NRXN1: variants seen among roughly 807,000 people sequenced by gnomAD.
NRXN1 encodes neurexin-1.
A neutral mutation model predicts 150.9 loss-of-function variants in NRXN1; 39 were observed. That is an observed-to-expected ratio of 0.26 (90% CI 0.20 to 0.34). NRXN1 has a LOEUF of 0.34. Ranked by LOEUF, NRXN1 falls within the 10% of genes least tolerant of loss-of-function variation. The probability of loss-of-function intolerance (pLI) is 1.00; values close to 1 mark genes in which losing one functional copy is unlikely to be tolerated. For synonymous variants in NRXN1, 924 were observed against 757.0 expected (o/e 1.22, Z -3.62); for missense variants, 1,815 against 1,949.9 (o/e 0.93, Z 1.30).
At chr2:50,373,758 G>A (rs901735849) in intron 17 of NRXN1, among the ~76,000 whole-genome samples, 1 of 151,776 alleles carries the variant, frequency 6.6e-6, no homozygotes, top group Non-Finnish European at 1.5e-5. Flanking sequence ...ATTGTTTTCT[G>A]AGAATCCTGG....
chr2:50,785,208 G>A (rs188693423), intron 5 of NRXN1, among the ~76,000 whole-genome samples: 50 of 150,968 alleles, frequency 3.3e-4, no homozygotes, highest in Middle Eastern at 6.8e-3. Flanking sequence ...TACCTCGATC[G>A]TGGATTCCAC....
intron 21 of NRXN1, among the ~76,000 whole-genome samples, chr2:49,967,570 A>C (rs1171008681): frequency 1.3e-5 from 2 of 152,076 alleles, no homozygotes; most frequent in African/African-American, 2.4e-5. Flanking sequence ...TAGAGTTTCA[A>C]ATAAAACAAG....
intron 5 of NRXN1, among the ~76,000 whole-genome samples, chr2:50,711,216 T>C (rs576645332): frequency 1.3e-5 from 2 of 152,192 alleles, no homozygotes; most frequent in South Asian, 4.1e-4. Flanking sequence ...GGATGGAATG[T>C]TTATTGAAAA....
chr2:50,606,630 T>TAATAATAATAAA (rs1309661805), intron 8 of NRXN1, among the ~76,000 whole-genome samples: 1 of 150,384 alleles, frequency 6.6e-6, no homozygotes. Flanking sequence ...ATAATAATAA[T>TAATAATAATAAA]AAAATAAAAC....
intron 5 of NRXN1, among the ~76,000 whole-genome samples, chr2:50,815,981 C>T (rs1001951510): frequency 7.9e-5 from 12 of 152,262 alleles, no homozygotes; most frequent in African/African-American, 2.4e-4. Flanking sequence ...GTGTGTTCTC[C>T]TTCACCACAC....
At chr2:50,626,304 A>G (rs75701271) in intron 5 of NRXN1, among the ~76,000 whole-genome samples, 3,719 of 151,912 alleles carry the variant, frequency 0.024, 94 homozygotes, top group East Asian at 0.076. Context: ...TTCACAATCT[A>G]TGAGAAAAAA....
At chr2:50,357,179 G>A (rs991201754) in intron 17 of NRXN1, among the ~76,000 whole-genome samples, 1 of 151,988 alleles carries the variant, frequency 6.6e-6, no homozygotes. Flanking sequence ...TAACATAGGA[G>A]GATCACTTTA....
At chr2:50,171,844 G>C (rs1159835424) in intron 18 of NRXN1, among the ~76,000 whole-genome samples, 2 of 152,138 alleles carry the variant, frequency 1.3e-5, no homozygotes, top group Non-Finnish European at 2.9e-5. Flanking sequence ...GTGCCCTCCA[G>C]CTCTAGATTT....
intron 17 of NRXN1, among the ~76,000 whole-genome samples, chr2:50,433,373 CTT>C (rs1446017562): frequency 1.2e-4 from 19 of 152,254 alleles, no homozygotes; most frequent in Admixed American, 8.5e-4. Context: ...AATACACAAA[CTT>C]ATATTGCATG....
chr2:50,313,439 A>C (rs2075340222), intron 17 of NRXN1, among the ~76,000 whole-genome samples: 2 of 152,132 alleles, frequency 1.3e-5, no homozygotes, highest in African/African-American at 4.8e-5. Flanking sequence ...GAGGAAAGCC[A>C]AGCCAAATGC....
intron 8 of NRXN1, among the ~76,000 whole-genome samples, chr2:50,559,252 G>A (rs934877792): frequency 1.1e-4 from 16 of 152,152 alleles, no homozygotes; most frequent in African/African-American, 3.9e-4. Flanking sequence ...AAGTACAAGC[G>A]TCATCCAGTA....
intron 21 of NRXN1, among the ~76,000 whole-genome samples, chr2:50,043,933 T>A (rs2152597966): frequency 6.6e-6 from 1 of 151,872 alleles, no homozygotes; most frequent in South Asian, 2.1e-4. Context: ...GAATCTGTAG[T>A]GTCTAGAATA....
At chr2:50,164,952 C>T (rs1382998053) in intron 18 of NRXN1, among the ~76,000 whole-genome samples, 1 of 152,066 alleles carries the variant, frequency 6.6e-6, no homozygotes, top group African/African-American at 2.4e-5. Flanking sequence ...ATACATGATC[C>T]CTGTGGCTTG....
chr2:50,252,767 C>T (rs1394316866), intron 17 of NRXN1, among the ~76,000 whole-genome samples: 3 of 152,038 alleles, frequency 2.0e-5, no homozygotes, highest in African/African-American at 4.8e-5. Context: ...CTAAACTGTT[C>T]CATTAGTCTA....
intron 5 of NRXN1, among the ~76,000 whole-genome samples, chr2:50,888,481 C>T (rs10490169): frequency 0.13 from 19,950 of 151,324 alleles, 1,531 homozygotes; most frequent in Non-Finnish European, 0.18. Context: ...AGCCAAGTAA[C>T]CTGGAGAGTT....
intron 5 of NRXN1, among the ~76,000 whole-genome samples, chr2:50,682,468 CAACATTAAATAA>C (rs1464000617): frequency 6.6e-6 from 1 of 152,094 alleles, no homozygotes; most frequent in Non-Finnish European, 1.5e-5. Flanking sequence ...CTTGGCTTAT[CAACATTAAATAA>C]GGGAAAGGAA....
intron 8 of NRXN1, among the ~76,000 whole-genome samples, chr2:50,599,388 G>T (rs1372837099): frequency 2.0e-5 from 3 of 152,112 alleles, no homozygotes; most frequent in Non-Finnish European, 2.9e-5. Flanking sequence ...AAGTAATAAA[G>T]AAATATGTTT....
intron 17 of NRXN1, among the ~76,000 whole-genome samples, chr2:50,457,141 G>A (rs915973700): frequency 2.6e-5 from 4 of 152,056 alleles, no homozygotes; most frequent in Admixed American, 2.0e-4. Flanking sequence ...TAATAACAGA[G>A]CTGGAAGTTA....
At chr2:50,329,617 GTATATATATATATATATA>G (rs1172739306) in intron 17 of NRXN1, among the ~76,000 whole-genome samples, 3 of 13,980 alleles carry the variant, frequency 2.1e-4, no homozygotes, top group Non-Finnish European at 4.7e-4. Context: ...GTGTGTGTGT[GTATATATATATATATATA>G]TATATATATA....
Sources: gnomAD v4.1 joint callset for allele counts (sites outside exome capture counted in the v4.1 genomes callset) on GRCh38, gnomAD v4.1.1 for gene constraint, MANE v1.5 for transcripts, NCBI Gene and HGNC (gene_info 2026-07-23, HGNC 2026-07-21) for gene names.